ZNF804B: variants seen among roughly 807,000 people sequenced by gnomAD.
ZNF804B encodes the protein zinc finger protein 804B.
ZNF804B carries 80 observed loss-of-function variants against 101.4 expected under a neutral mutation model. The ratio of observed to expected loss-of-function variants is 0.79; its 90% CI spans 0.66 to 0.95. The LOEUF (loss-of-function observed/expected upper bound fraction) is 0.95. ZNF804B is among the 40% of genes least tolerant of loss of function. ZNF804B has a pLI of 0.00. For synonymous variants in ZNF804B, 622 were observed against 558.8 expected (o/e 1.11, Z -1.59); for missense variants, 1,673 against 1,561.9 (o/e 1.07, Z -1.20).
At chr7:89,063,527 T>C (rs73391210) in intron 1 of ZNF804B, among the ~76,000 whole-genome samples, 4,908 of 152,126 alleles carry the variant, frequency 0.032, 268 homozygotes, top group African/African-American at 0.11. Flanking sequence ...GCCATTCAGT[T>C]AATTATTAGA....
intron 1 of ZNF804B, among the ~76,000 whole-genome samples, chr7:89,161,722 C>G (rs143892073): frequency 1.4e-3 from 195 of 142,982 alleles, no homozygotes; most frequent in Middle Eastern, 8.0e-3. Flanking sequence ...GAATTTCTTG[C>G]TTTTTATGGA....
At position 88,937,692 on chromosome 7, in the gene ZNF804B, C is replaced by A. The variant is rs141555411; in HGVS notation, c.108+177608C>A. ...CAAAAGAAAAAAAATGAATTAGAAG[C>A]AAAAGTCAATGACATAGTGGCAAAC... On this transcript the variant is annotated intron_variant, in intron 1 of 3. Transcript: ENST00000333190. Among the ~76,000 whole-genome samples the A allele has an allele frequency of 1.2e-4, 18 of 151,932 alleles. No individual in the cohort carries two copies. In the South Asian group the frequency reaches 1.9e-3, roughly 16 times the overall value.
At chr7:88,929,455 G>A (rs2158499) in intron 1 of ZNF804B, among the ~76,000 whole-genome samples, 82,886 of 151,670 alleles carry the variant, frequency 0.55, 24,980 homozygotes, top group East Asian at 0.85. Flanking sequence ...TTGATTATCA[G>A]CAAGTCTTTA....
rs1554380117 is a variant in ZNF804B, at chr7:89,219,901, G to GTGTGTGCATATATATGTATATACATATA, written c.249+1662_249+1689dup. On this transcript the variant is annotated intron_variant, in intron 2 of 3. Coordinates refer to ENST00000333190, the MANE Select transcript of ZNF804B (RefSeq NM_181646.5). The stretch of plus-strand genomic sequence containing the variant: ...TATATGTGTGTATATATGTATATAT[G>GTGTGTGCATATATATGTATATACATATA]TGTGTGCATATATATGTATATACAT... Among the ~76,000 whole-genome samples the GTGTGTGCATATATATGTATATACATATA allele has an allele frequency of 5.6e-3, 113 of 20,192 alleles. 33 individuals are homozygous for GTGTGTGCATATATATGTATATACATATA. Among genetic ancestry groups the GTGTGTGCATATATATGTATATACATATA allele is most frequent in the African/African-American group, 7.2e-3 (49 of 6,788 alleles). The allele number at this position is 20,192 out of a possible 152,430, so 13.2% of individuals were successfully genotyped here. A position where few individuals can be genotyped will look rare whatever the true frequency, so the allele number is the denominator to read the frequency against.
chr7:89,041,565 C>T (rs1789017789), intron 1 of ZNF804B, among the ~76,000 whole-genome samples: 1 of 152,174 alleles, frequency 6.6e-6, no homozygotes, highest in Non-Finnish European at 1.5e-5. Flanking sequence ...AAGGACTGGC[C>T]TGGCACCAAG....
chr7:88,827,074 C>A (rs1014343646), intron 1 of ZNF804B, among the ~76,000 whole-genome samples: 2 of 151,916 alleles, frequency 1.3e-5, no homozygotes, highest in African/African-American at 4.8e-5. Flanking sequence ...ATTATGTCTG[C>A]AAAAACCTAT....
intron 1 of ZNF804B, among the ~76,000 whole-genome samples, chr7:89,163,879 C>A (rs1791103969): frequency 1.3e-5 from 2 of 151,688 alleles, no homozygotes; most frequent in African/African-American, 4.8e-5. Context: ...TTTCCTTCCC[C>A]TTTTCATTTT....
At chr7:89,135,901 T>C (rs776088194) in intron 1 of ZNF804B, among the ~76,000 whole-genome samples, 39 of 152,118 alleles carry the variant, frequency 2.6e-4, no homozygotes, top group Non-Finnish European at 4.9e-4. Context: ...TTGAGACTGG[T>C]TAAAAGAATA....
In ZNF804B at chr7:89,334,439, G is replaced by A. The variant is rs564184656; in HGVS notation, c.1457G>A (p.Arg486Gln). Residue 486 changes from arginine (R) to glutamine (Q), a missense_variant, in exon 4 of 4, where the codon CGG becomes CAG. Coordinates refer to ENST00000333190, the MANE Select transcript of ZNF804B (RefSeq NM_181646.5). ...CTGTATTTTGATTTTAAGCTTTCTC[G>A]GAACACAAAGGAAGACCACAATCTA... The part of the protein sequence containing the change: ...NPLYFDFKLS[R>Q]NTKEDHNLED... 1.2e-5 allele frequency: 19 copies of A among 1,613,248 alleles called. No homozygotes were observed. The highest frequency in any genetic ancestry group is 2.2e-5 in the East Asian group (1 of 44,848).
rs555753534 is a variant in ZNF804B at position 89,269,118 on chromosome 7, G to T, written c.249+50823G>T. ...TAGGGTACATGTGCACAACATGCAGGTTTGTTATATATGTATACATGTGCC... is the reference window on the plus strand; with the variant it reads ...TAGGGTACATGTGCACAACATGCAGTTTTGTTATATATGTATACATGTGCC... On this transcript the variant is annotated intron_variant, in intron 2 of 3. Coordinates refer to ENST00000333190, the MANE Select transcript of ZNF804B (RefSeq NM_181646.5). 2.8e-4 allele frequency among the ~76,000 whole-genome samples: 43 copies of T among 152,012 alleles called. No homozygotes were observed. In the South Asian group the frequency reaches 5.6e-3, roughly 20 times the overall value.
chr7:88,816,659 A>G (rs1337596467), intron 1 of ZNF804B, among the ~76,000 whole-genome samples: 2 of 146,396 alleles, frequency 1.4e-5, no homozygotes, highest in Non-Finnish European at 3.0e-5. Flanking sequence ...CCATCAGAGA[A>G]ATGCAAATCA....
At chr7:88,888,047 T>C (rs1792159204) in intron 1 of ZNF804B, among the ~76,000 whole-genome samples, 2 of 152,166 alleles carry the variant, frequency 1.3e-5, no homozygotes, top group African/African-American at 4.8e-5. Context: ...TATTTTACTT[T>C]AATATGTTCC....
intron 1 of ZNF804B, among the ~76,000 whole-genome samples, chr7:88,816,864 C>T (rs1790887182): frequency 2.1e-5 from 3 of 146,210 alleles, no homozygotes; most frequent in Non-Finnish European, 4.5e-5. Context: ...ACCATTTGAC[C>T]CAGCAATGCC....
intron 1 of ZNF804B, among the ~76,000 whole-genome samples, chr7:88,789,173 GTAA>G (rs1267588181): frequency 6.6e-6 from 1 of 151,964 alleles, no homozygotes; most frequent in African/African-American, 2.4e-5. Flanking sequence ...CACAGAAATG[GTAA>G]TAAGAACTAG....
In ZNF804B at chr7:88,890,356, C is replaced by G. The variant is rs115594771; in HGVS notation, c.108+130272C>G. Reference sequence around the variant, plus strand: ...GTAAGTATTTGTTTGCAGGTTTTTACATAGACAGGAGTTTGCATATCAATT... The same window carrying G: ...GTAAGTATTTGTTTGCAGGTTTTTAGATAGACAGGAGTTTGCATATCAATT... On this transcript the variant is annotated intron_variant, in intron 1 of 3. Transcript: ENST00000333190. Among the ~76,000 whole-genome samples the G allele has an allele frequency of 8.3e-3, 1,268 of 152,198 alleles. 24 individuals are homozygous for G. Among genetic ancestry groups the G allele is most frequent in the African/African-American group, 0.029 (1,202 of 41,538 alleles).
intron 1 of ZNF804B, among the ~76,000 whole-genome samples, chr7:89,015,087 G>A (rs1788525528): frequency 1.3e-5 from 2 of 152,044 alleles, no homozygotes. Context: ...AGTGTTCCCA[G>A]AACAACTTAA....
At chr7:88,823,777 G>A (rs1791017047) in intron 1 of ZNF804B, among the ~76,000 whole-genome samples, 1 of 152,122 alleles carries the variant, frequency 6.6e-6, no homozygotes, top group African/African-American at 2.4e-5. Context: ...CACTAGAAAA[G>A]GAAGGTGTTT....
intron 1 of ZNF804B, among the ~76,000 whole-genome samples, chr7:88,996,267 C>T (rs1359300162): frequency 6.6e-6 from 1 of 152,064 alleles, no homozygotes; most frequent in Non-Finnish European, 1.5e-5. Flanking sequence ...CTATTTTCTG[C>T]ATAGAAATAG....
At chr7:89,303,051 C>A (rs776292477) in intron 2 of ZNF804B, among the ~76,000 whole-genome samples, 1 of 151,804 alleles carries the variant, frequency 6.6e-6, no homozygotes, top group African/African-American at 2.4e-5. Context: ...TATATTAAAC[C>A]AAAGTGTAGT....
Sources: gnomAD v4.1 joint callset for allele counts (sites outside exome capture counted in the v4.1 genomes callset) on GRCh38, gnomAD v4.1.1 for gene constraint, MANE v1.5 for transcripts, NCBI Gene and HGNC (gene_info 2026-07-23, HGNC 2026-07-21) for gene names.